EXT1: variants seen among roughly 807,000 people sequenced by gnomAD.
The protein encoded by EXT1 is exostosin glycosyltransferase 1, also known as exostosin-1.
A neutral mutation model predicts 82.5 loss-of-function variants in EXT1; 20 were observed. The observed-to-expected ratio is 0.24, with a 90% CI of 0.17 to 0.35. EXT1 has a LOEUF of 0.35. EXT1 is among the 10% of genes least tolerant of loss of function. EXT1 has a pLI of 1.00. For synonymous variants in EXT1, 348 were observed against 350.8 expected (o/e 0.99, Z 0.09); for missense variants, 757 against 936.5 (o/e 0.81, Z 2.50).
At chr8:117,972,580 C>T (rs751512656) in intron 1 of EXT1, among the ~76,000 whole-genome samples, 1 of 152,160 alleles carries the variant, frequency 6.6e-6, no homozygotes, top group Non-Finnish European at 1.5e-5. Flanking sequence ...GTGGCAAATG[C>T]AAAATCGAAT....
intron 1 of EXT1, among the ~76,000 whole-genome samples, chr8:118,081,314 C>T (rs1817323983): frequency 2.0e-5 from 3 of 152,328 alleles, no homozygotes; most frequent in South Asian, 2.1e-4. Context: ...AGTATTTTTA[C>T]ATAAGATTGC....
chr8:117,818,416 G>A lies in EXT1; in HGVS notation c.1632+19C>T, dbSNP rs750523713. 1.2e-6 allele frequency: 2 copies of A among 1,609,456 alleles called. No individual in the cohort carries two copies. Among genetic ancestry groups the A allele is most frequent in the South Asian group, 2.2e-5 (2 of 90,980 alleles). On this transcript the variant is annotated intron_variant, in intron 7 of 10. Coordinates refer to ENST00000378204, the MANE Select transcript of EXT1 (RefSeq NM_000127.3). Reference sequence around the variant, plus strand: ...AGGCTCCACAGTGGTTCCACATATAGGTCCCCTTCGAGTCTTACCTTGCTC... The same window carrying A: ...AGGCTCCACAGTGGTTCCACATATAAGTCCCCTTCGAGTCTTACCTTGCTC...
chr8:117,830,208 A>G, intron 4 of EXT1, 22 bp downstream of exon 4: 1 of 1,613,774 alleles, frequency 6.2e-7, no homozygotes, highest in Non-Finnish European at 8.5e-7. Flanking sequence ...TTCAAGCCCA[A>G]GAGCCAAGTG....
intron 1 of EXT1, among the ~76,000 whole-genome samples, chr8:118,083,262 C>T (rs55906753): frequency 0.19 from 29,414 of 152,146 alleles, 3,046 homozygotes; most frequent in Admixed American, 0.26. Flanking sequence ...ACTTAATAAA[C>T]GCATACTCAA....
chr8:117,967,903 T>C (rs553403859), intron 1 of EXT1, among the ~76,000 whole-genome samples: 1 of 152,296 alleles, frequency 6.6e-6, no homozygotes, highest in South Asian at 2.1e-4. Context: ...CTGATGTACA[T>C]GAGGACTATA....
intron 1 of EXT1, among the ~76,000 whole-genome samples, chr8:117,848,470 G>A (rs181489820): frequency 6.6e-6 from 1 of 152,238 alleles, no homozygotes; most frequent in Non-Finnish European, 1.5e-5. Flanking sequence ...TAGCTCCCTG[G>A]CACTCTCATT....
chr8:117,914,837 C>T (rs1813717445), intron 1 of EXT1, among the ~76,000 whole-genome samples: 1 of 151,342 alleles, frequency 6.6e-6, no homozygotes, highest in African/African-American at 2.4e-5. Context: ...AGACCCTTAT[C>T]AGTAGTTCTG....
chr8:117,923,533 C>G (rs908271358), intron 1 of EXT1, among the ~76,000 whole-genome samples: 3 of 149,826 alleles, frequency 2.0e-5, no homozygotes, highest in Non-Finnish European at 4.4e-5. Flanking sequence ...CTGGCTAACA[C>G]GGTGAAACCC....
intron 1 of EXT1, among the ~76,000 whole-genome samples, chr8:117,984,230 C>A (rs1389975265): frequency 4.6e-5 from 7 of 152,102 alleles, no homozygotes; most frequent in African/African-American, 1.7e-4. Flanking sequence ...ACCAGCCTGG[C>A]GAATATGGCA....
chr8:117,963,520 T>G (rs1814745146), intron 1 of EXT1, among the ~76,000 whole-genome samples: 1 of 152,152 alleles, frequency 6.6e-6, no homozygotes, highest in Non-Finnish European at 1.5e-5. Flanking sequence ...AGACAGGGTC[T>G]CACTCAATCA....
At chr8:117,873,057 T>C (rs767610460) in intron 1 of EXT1, among the ~76,000 whole-genome samples, 3 of 152,100 alleles carry the variant, frequency 2.0e-5, no homozygotes, top group African/African-American at 7.2e-5. Flanking sequence ...TGGGAAGTGA[T>C]TAGGTCATGA....
At position 117,799,594 on chromosome 8, in the gene EXT1, TA is replaced by T; in HGVS notation, c.*117del. ...TTTTTTTTTTGTCATTCTGCTCATC[TA>T]AGTTTTTGGATAGTTGGCACAATCT... On this transcript the variant is annotated 3_prime_UTR_variant, in exon 11 of 11. Transcript: ENST00000378204. The T allele has an allele frequency of 8.4e-7, 1 of 1,194,836 alleles. No homozygotes were observed. The highest frequency in any genetic ancestry group is 1.2e-6 in the Non-Finnish European group (1 of 816,098). 74.0% of individuals were successfully genotyped at this position (1,194,836 alleles called of 1,614,324 possible). A position where few individuals can be genotyped will look rare whatever the true frequency, so the allele number is the denominator to read the frequency against.
chr8:117,959,164 T>C (rs1287748624), intron 1 of EXT1, among the ~76,000 whole-genome samples: 1 of 152,186 alleles, frequency 6.6e-6, no homozygotes, highest in Non-Finnish European at 1.5e-5. Flanking sequence ...GGCTTAAGAA[T>C]GGCTAGTGCC....
intron 1 of EXT1, among the ~76,000 whole-genome samples, chr8:118,064,545 ATATG>A (rs1816942198): frequency 6.6e-6 from 1 of 152,188 alleles, no homozygotes; most frequent in Admixed American, 6.5e-5. Flanking sequence ...TCCATGGTAT[ATATG>A]TGCCACATTT....
intron 1 of EXT1, among the ~76,000 whole-genome samples, chr8:118,011,389 G>A (rs1815896426): frequency 6.6e-6 from 1 of 152,136 alleles, no homozygotes; most frequent in African/African-American, 2.4e-5. Flanking sequence ...TGACTAGCTG[G>A]AATTCTGCAA....
chr8:118,019,825 C>T (rs1816069237), intron 1 of EXT1, among the ~76,000 whole-genome samples: 1 of 152,200 alleles, frequency 6.6e-6, no homozygotes, highest in African/African-American at 2.4e-5. Context: ...TGGCAGATTC[C>T]AGACTCTGCC....
chr8:118,110,124 T>G lies in EXT1; in HGVS notation c.923A>C (p.Lys308Thr). The G allele has an allele frequency of 2.5e-6, 4 of 1,614,214 alleles. No individual in the cohort carries two copies. In the South Asian group the frequency reaches 4.4e-5, roughly 18 times the overall value. Reference sequence around the variant, plus strand: ...GTTGTCTCTGTCACAGCGAGAATCCTTGTGCTTTTGCCAGTCTTTGCCATG... The same window carrying G: ...GTTGTCTCTGTCACAGCGAGAATCCGTGTGCTTTTGCCAGTCTTTGCCATG... ...CKHGKDWQKH[K>T]DSRCDRDNTE... is the part of the protein sequence containing the mutation. The change falls in exon 1 of 11, where the codon AAG becomes ACG. Residue 308 changes from lysine to threonine, a missense_variant. By Grantham distance (78) the Lys-to-Thr change is moderately conservative. Coordinates refer to ENST00000378204, the MANE Select transcript of EXT1 (RefSeq NM_000127.3).
intron 1 of EXT1, among the ~76,000 whole-genome samples, chr8:117,869,652 T>A (rs1168936937): frequency 6.6e-6 from 1 of 152,192 alleles, no homozygotes; most frequent in Admixed American, 6.5e-5. Flanking sequence ...TACATCTTAA[T>A]GTCAAACGCA....
At chr8:117,816,150 T>C (rs1279172241) in intron 7 of EXT1, among the ~76,000 whole-genome samples, 1 of 152,118 alleles carries the variant, frequency 6.6e-6, no homozygotes, top group African/African-American at 2.4e-5. Flanking sequence ...TATAATCTGA[T>C]CTTTTTGGCT....
Sources: allele counts gnomAD v4.1 joint callset (sites outside exome capture counted in the v4.1 genomes callset), GRCh38; gene constraint gnomAD v4.1.1; transcripts MANE v1.5; gene names NCBI Gene and HGNC (gene_info 2026-07-23, HGNC 2026-07-21).